CSGALNACT2: variants seen among roughly 807,000 people sequenced by gnomAD.
The protein encoded by CSGALNACT2 is chondroitin sulfate N-acetylgalactosaminyltransferase 2, also known as beta 4 GalNAcT-2.
A neutral mutation model predicts 55.3 loss-of-function variants in CSGALNACT2; 35 were observed. The observed-to-expected ratio is 0.63, with a 90% CI of 0.48 to 0.84. The LOEUF (loss-of-function observed/expected upper bound fraction) is 0.84. Among genes scored for constraint, CSGALNACT2 ranks in the 40% least tolerant of loss-of-function variants. The pLI is 0.00. For missense variants in CSGALNACT2, 544 were observed against 657.5 expected, an observed-to-expected ratio of 0.83 and a Z score of 1.89; for synonymous variants, 196 against 224.9, an observed-to-expected ratio of 0.87 and a Z score of 1.15.
At chr10:43,181,653 T>C (rs1839590821) in intron 7 of CSGALNACT2, among the ~76,000 whole-genome samples, 2 of 151,250 alleles carry the variant, frequency 1.3e-5, no homozygotes, top group Admixed American at 6.6e-5. Flanking sequence ...TGGCTCGAAC[T>C]TGTGGTCCCA....
At chr10:43,177,604 C>CT (rs1839505976) in intron 7 of CSGALNACT2, among the ~76,000 whole-genome samples, 3 of 152,162 alleles carry the variant, frequency 2.0e-5, no homozygotes, top group Non-Finnish European at 4.4e-5. Flanking sequence ...TACTTCATTC[C>CT]TTTTTATAGC....
intron 4 of CSGALNACT2, chr10:43,163,180 T>G: frequency 1.0e-6 from 1 of 985,314 alleles, no homozygotes; most frequent in South Asian, 4.7e-5. Context: ...TAACTCACGT[T>G]CCACTTCTAA....
chr10:43,158,839 T>A lies in CSGALNACT2; in HGVS notation c.786T>A (p.Ser262Arg). ...TTGGACCTCTCATGAAAGTGAAGAG[T>A]GAGATGATTGACATCACTAGATCAA... ...RPFGPLMKVK[S>R]EMIDITRSII... Residue 262 changes from serine to arginine, a missense_variant, in exon 3 of 8, where the codon AGT (serine) becomes AGA (arginine). This residue lies in a region of CSGALNACT2 where 374 missense variants were observed against 401.3 expected (regional missense o/e 0.93). Coordinates refer to ENST00000374466, the MANE Select transcript of CSGALNACT2 (RefSeq NM_018590.5). The A allele has an allele frequency of 6.2e-7, 1 of 1,611,136 alleles. No homozygotes were observed. Among genetic ancestry groups the A allele is most frequent in the Non-Finnish European group, 8.5e-7 (1 of 1,177,488 alleles).
At position 43,154,911 on chromosome 10, in the gene CSGALNACT2, A is replaced by G. The variant is rs1011778810; in HGVS notation, c.-239A>G. On this transcript the variant is annotated 5_prime_UTR_variant, in exon 2 of 8. Transcript: ENST00000374466. ...GTGTCTTTCAGAAAAATCACTACCA[A>G]TATAATGGATTTTATATATCAGATT... The G allele has an allele frequency of 6.2e-6, 3 of 482,738 alleles. No homozygotes were observed. The highest frequency in any genetic ancestry group is 1.1e-5 in the Non-Finnish European group (3 of 273,612). 29.9% of individuals were successfully genotyped at this position (482,738 alleles called of 1,614,324 possible).
At chr10:43,142,822 CTATT>C (rs755915672) in intron 1 of CSGALNACT2, among the ~76,000 whole-genome samples, 2 of 152,146 alleles carry the variant, frequency 1.3e-5, no homozygotes, top group Admixed American at 1.3e-4. Context: ...AATTAGCTAT[CTATT>C]TGAGGGAAAA....
intron 6 of CSGALNACT2, 110 bp downstream of exon 6, chr10:43,167,208 A>C: frequency 1.5e-6 from 1 of 687,270 alleles, no homozygotes; most frequent in Non-Finnish European, 2.5e-6. Context: ...CCATGAGCAA[A>C]GTGTTAAAGA....
intron 1 of CSGALNACT2, among the ~76,000 whole-genome samples, chr10:43,153,716 T>C (rs1191259201): frequency 1.3e-5 from 2 of 152,206 alleles, no homozygotes; most frequent in Non-Finnish European, 1.5e-5. Context: ...GGAGTCCTCC[T>C]TGCCTCCCTT....
chr10:43,159,094 G>A (rs1448265742), intron 3 of CSGALNACT2, among the ~76,000 whole-genome samples, 163 bp downstream of exon 3: 3 of 152,040 alleles, frequency 2.0e-5, no homozygotes, highest in African/African-American at 7.2e-5. Flanking sequence ...TAAAGCATGT[G>A]TAGTATATTG....
chr10:43,140,188 A>T (rs1417541170), intron 1 of CSGALNACT2, among the ~76,000 whole-genome samples: 2 of 152,220 alleles, frequency 1.3e-5, no homozygotes, highest in African/African-American at 4.8e-5. Flanking sequence ...AAGAAAAGAA[A>T]AAAAAAAGAG....
chr10:43,179,740 G>GTA (rs1297495273), intron 7 of CSGALNACT2, among the ~76,000 whole-genome samples: 6 of 152,066 alleles, frequency 3.9e-5, no homozygotes, highest in African/African-American at 1.4e-4. Context: ...ACCCCAGGAG[G>GTA]TATATTCTTA....
At chr10:43,173,617 A>G (rs761522982) in intron 6 of CSGALNACT2, among the ~76,000 whole-genome samples, 2 of 152,242 alleles carry the variant, frequency 1.3e-5, no homozygotes, top group African/African-American at 2.4e-5. Flanking sequence ...TTATATAATC[A>G]GAATTGGCAT....
chr10:43,179,108 T>G (rs1244365228), intron 7 of CSGALNACT2, among the ~76,000 whole-genome samples: 1 of 152,086 alleles, frequency 6.6e-6, no homozygotes, highest in East Asian at 1.9e-4. Flanking sequence ...CTCTATGTGA[T>G]GAAACATTGT....
At chr10:43,171,353 T>A (rs1839378445) in intron 6 of CSGALNACT2, among the ~76,000 whole-genome samples, 1 of 149,534 alleles carries the variant, frequency 6.7e-6, no homozygotes, top group South Asian at 2.1e-4. Flanking sequence ...ATGCTAATAC[T>A]CTTTTTTTTT....
intron 6 of CSGALNACT2, among the ~76,000 whole-genome samples, chr10:43,170,747 G>A (rs75574954): frequency 0.044 from 6,665 of 152,222 alleles, 180 homozygotes; most frequent in South Asian, 0.089. Flanking sequence ...AACTTTTCAC[G>A]GGAGAAACCC....
chr10:43,147,277 G>A (rs532334214), intron 1 of CSGALNACT2, among the ~76,000 whole-genome samples: 2 of 152,276 alleles, frequency 1.3e-5, no homozygotes, highest in African/African-American at 2.4e-5. Context: ...GCCCGGCCGA[G>A]CATCTTTTTC....
At chr10:43,139,951 T>C (rs1434862771) in intron 1 of CSGALNACT2, among the ~76,000 whole-genome samples, 1 of 152,140 alleles carries the variant, frequency 6.6e-6, no homozygotes, top group Non-Finnish European at 1.5e-5. Flanking sequence ...ATCCCAGCGC[T>C]TGGGGAGGCC....
chr10:43,165,963 C>T (rs544277838), intron 5 of CSGALNACT2, among the ~76,000 whole-genome samples: 39 of 151,914 alleles, frequency 2.6e-4, no homozygotes, highest in Admixed American at 5.2e-4. Context: ...GAGCAAGACT[C>T]CGTCTTAAAA....
chr10:43,163,725 G>C (rs1839200169), intron 4 of CSGALNACT2, 141 bp from the exon 5 acceptor site: 1 of 1,353,666 alleles, frequency 7.4e-7, no homozygotes, highest in South Asian at 2.0e-5. Flanking sequence ...ATGAAGCTGG[G>C]ATTTTCTTTC....
intron 1 of CSGALNACT2, among the ~76,000 whole-genome samples, chr10:43,141,887 G>C (rs1376053644): frequency 6.6e-6 from 1 of 152,154 alleles, no homozygotes; most frequent in Non-Finnish European, 1.5e-5. Flanking sequence ...TCTCTGGTCT[G>C]TTTCTTTGTC....
Sources: allele counts gnomAD v4.1 joint callset (sites outside exome capture counted in the v4.1 genomes callset), GRCh38; gene constraint gnomAD v4.1.1; regional missense constraint gnomAD v4.1.1; transcripts MANE v1.5; gene names NCBI Gene and HGNC (gene_info 2026-07-23, HGNC 2026-07-21).